GBP3: variants seen among roughly 807,000 people sequenced by gnomAD.
GBP3 encodes guanylate-binding protein 3.
In GBP3, 55 loss-of-function variants were observed where a neutral mutation model predicts 62.4. The ratio of observed to expected loss-of-function variants is 0.88; its 90% confidence interval spans 0.71 to 1.10. The LOEUF (loss-of-function observed/expected upper bound fraction) is 1.10, where lower values mean the gene tolerates loss of function less well. Ranked by LOEUF, GBP3 falls within the 50% of genes least tolerant of loss-of-function variation. The pLI is 0.00. For missense variants in GBP3, 605 were observed against 690.6 expected (o/e 0.88, Z 1.39); for synonymous variants, 208 against 259.2 (o/e 0.80, Z 1.90).
intron 1 of GBP3, among the ~76,000 whole-genome samples, chr1:89,021,788 TGAGAGAGA>T (rs146229731): frequency 4.0e-3 from 259 of 65,354 alleles, no homozygotes; most frequent in East Asian, 0.011. Context: ...GCTGGAAAGA[TGAGAGAGA>T]GAGAGAGAGA....
rs755998362 is a variant in GBP3, at chr1:89,014,101, A to G, written c.607T>C (p.Ser203Pro). Residue 203 changes from serine to proline, a missense_variant, in exon 5 of 11, where the codon TCC becomes CCC. Around this residue, in one of 3 missense-constraint regions of GBP3, gnomAD observed 308 missense variants for 318.0 expected, o/e 0.97. Coordinates refer to ENST00000370481, the MANE Select transcript of GBP3 (RefSeq NM_018284.3). ...PLTPDEYLEY[S>P]LKLTQGTSQK... ...CTGTTACCTTGCGTTAGCTTCAGGG[A>G]ATACTCCAGGTACTCATCTGGTGTG... The G allele has an allele frequency of 2.5e-6, 4 of 1,614,060 alleles. No homozygotes were observed. Among genetic ancestry groups the G allele is most frequent in the Non-Finnish European group, 3.4e-6 (4 of 1,180,010 alleles).
chr1:89,007,619 T>C lies in GBP3; in HGVS notation c.*105A>G. On this transcript the variant is annotated 3_prime_UTR_variant, in exon 11 of 11. Transcript: ENST00000370481. ...TGCATGTTCTTGTAAACTTTTAGTG[T>C]TATGATGCAAGATCTAATTATTATC... is the stretch of plus-strand genomic sequence containing the variant. The C allele has an allele frequency of 9.4e-7, 1 of 1,067,590 alleles. No homozygotes were observed. Among genetic ancestry groups the C allele is most frequent in the Non-Finnish European group, 1.4e-6 (1 of 730,678 alleles). The allele number at this position is 1,067,590 out of a possible 1,614,324, so 66.1% of individuals were successfully genotyped here. A position where few individuals can be genotyped will look rare whatever the true frequency, so the allele number is the denominator to read the frequency against.
chr1:89,012,859 T>A (rs1678641774), intron 6 of GBP3, among the ~76,000 whole-genome samples: 1 of 134,118 alleles, frequency 7.5e-6, no homozygotes, highest in African/African-American at 2.5e-5. Flanking sequence ...TCCTTTCATA[T>A]TTTTTTTTTC....
chr1:89,013,470 C>A (rs1277313695), intron 5 of GBP3, 43 bp from the exon 6 acceptor site: 3 of 1,565,762 alleles, frequency 1.9e-6, no homozygotes, highest in Non-Finnish European at 2.6e-6. Context: ...ATAAGTGTTT[C>A]CGTAAAGCGT....
chr1:89,013,991 T>C, intron 5 of GBP3, 92 bp downstream of exon 5: 1 of 1,343,298 alleles, frequency 7.4e-7, no homozygotes, highest in Non-Finnish European at 1.1e-6. Flanking sequence ...TATAGAAAAC[T>C]GTAAATGTGA....
chr1:89,014,324 C>T (rs374881447), intron 4 of GBP3, 45 bp from the exon 5 acceptor site: 4 of 1,613,404 alleles, frequency 2.5e-6, no homozygotes, highest in Non-Finnish European at 2.5e-6. Flanking sequence ...ACAGGAACCT[C>T]ATCCCATATT....
At chr1:89,020,790 T>G in intron 1 of GBP3, 47 bp from the exon 2 acceptor site, 6 of 1,542,132 alleles carry the variant, frequency 3.9e-6, no homozygotes, top group Non-Finnish European at 5.3e-6. Context: ...GTCTTTTGCA[T>G]TTAGAGGATA....
rs918073976 is a variant in GBP3, at chr1:89,013,153, C to T, written c.868+32G>A. Reference sequence around the variant, plus strand: ...ATGCCTGGCCATCCTTTAGTTTTAACAATGAGTGGAAGTACTACGAAGGGG... The same window carrying T: ...ATGCCTGGCCATCCTTTAGTTTTAATAATGAGTGGAAGTACTACGAAGGGG... On this transcript the variant is annotated intron_variant, in intron 6 of 10. Transcript: ENST00000370481. 3 of 1,601,096 alleles carry T rather than the reference C, an allele frequency of 1.9e-6. No homozygotes were observed. In the African/African-American group the frequency reaches 4.0e-5, roughly 22 times the overall value.
chr1:89,022,004 C>T (rs569370815), intron 1 of GBP3, among the ~76,000 whole-genome samples: 54 of 150,678 alleles, frequency 3.6e-4, no homozygotes, highest in Non-Finnish European at 6.2e-4. Context: ...GGAAATTCTC[C>T]TGTAAATTCT....
At chr1:89,021,685 G>T (rs1017614708) in intron 1 of GBP3, among the ~76,000 whole-genome samples, 5 of 151,706 alleles carry the variant, frequency 3.3e-5, no homozygotes, top group African/African-American at 1.2e-4. Context: ...ACAGCTTTAG[G>T]TTTTCTGTTT....
At chr1:89,008,879 T>C in intron 10 of GBP3, 68 bp downstream of exon 10, 1 of 1,610,534 alleles carries the variant, frequency 6.2e-7, no homozygotes, top group African/African-American at 1.3e-5. Context: ...TCTGCCATAC[T>C]AAGTTTGTGA....
chr1:89,014,730 A>C, intron 3 of GBP3, 74 bp from the exon 4 acceptor site: 2 of 1,574,062 alleles, frequency 1.3e-6, no homozygotes, highest in Non-Finnish European at 1.7e-6. Context: ...CAGTAGTAAA[A>C]GTATATCATA....
intron 4 of GBP3, 39 bp downstream of exon 4, chr1:89,014,508 C>T: frequency 3.1e-6 from 5 of 1,613,938 alleles, no homozygotes; most frequent in Non-Finnish European, 4.2e-6. Flanking sequence ...ACAGGTGTCC[C>T]CTCTGACCTT....
chr1:89,022,248 T>G (rs562587375), intron 1 of GBP3, among the ~76,000 whole-genome samples: 158 of 152,342 alleles, frequency 1.0e-3, no homozygotes, highest in African/African-American at 3.7e-3. Flanking sequence ...GCATTACCTT[T>G]GCTGTTCTTT....
Position 89,009,402 on chromosome 1 carries a change from C to T in GBP3, c.1455G>A (p.Lys485=). Residue 485 remains lysine (K), a synonymous_variant, in exon 9 of 11, where the codon AAG becomes AAA. Coordinates refer to ENST00000370481, the MANE Select transcript of GBP3 (RefSeq NM_018284.3). The part of the protein sequence containing the change: ...QTDQILTEKE[K]EIEVECVKAE... The stretch of plus-strand genomic sequence containing the variant: ...TGACTTGCTCCTCACCTTCAATCTC[C>T]TTTTCCTTTTCTGTGAGAATCTGGT... 1 of 1,613,964 alleles carries T rather than the reference C, an allele frequency of 6.2e-7. No homozygotes were observed. Among genetic ancestry groups the T allele is most frequent in the Non-Finnish European group, 8.5e-7 (1 of 1,179,838 alleles).
intron 10 of GBP3, among the ~76,000 whole-genome samples, chr1:89,008,353 C>T (rs549094105): frequency 6.6e-6 from 1 of 150,776 alleles, no homozygotes; most frequent in African/African-American, 2.4e-5. Context: ...GCCAGACTTA[C>T]CATATAGAAT....
chr1:89,016,190 T>C (rs1318870829), intron 2 of GBP3, among the ~76,000 whole-genome samples: 2 of 152,180 alleles, frequency 1.3e-5, no homozygotes, highest in Non-Finnish European at 2.9e-5. Context: ...CCATTTAACA[T>C]ACCACCAAAA....
At position 89,010,856 on chromosome 1, in the gene GBP3, G is replaced by A; in HGVS notation, c.1362+48C>T. 4 of 1,460,852 alleles carry A rather than the reference G, an allele frequency of 2.7e-6. 1 individual carries two copies. The highest frequency in any genetic ancestry group is 3.8e-6 in the Non-Finnish European group (4 of 1,054,402). The allele number at this position is 1,460,852 out of a possible 1,614,324, so 90.5% of individuals were successfully genotyped here. A position where few individuals can be genotyped will look rare whatever the true frequency, so the allele number is the denominator to read the frequency against. The stretch of plus-strand genomic sequence containing the variant: ...AAGCTTGGTCACTTTGGTGTTCGTA[G>A]GAGGTAGGTCAGCAGGTTTCCATAA... On this transcript the variant is annotated intron_variant, in intron 8 of 10. Transcript: ENST00000370481.
chr1:89,008,958 T>C lies in GBP3; in HGVS notation c.1648A>G (p.Ser550Gly). Residue 550 changes from serine (S) to glycine (G), a missense_variant, in exon 10 of 11, where the codon AGT becomes GGT. By Grantham distance (56) the Ser-to-Gly change is moderately conservative (BLOSUM62 0). This residue lies in a region of GBP3 where 160 missense variants were observed against 147.8 expected (regional missense o/e 1.08). Transcript: ENST00000370481. ...LLEEQEKTLT[S>G]KLQEQARVLK... ...ATGCATTTGGATACCTGAAGTTTAC[T>C]AGTGAGGGTCTTCTCTTGCTCTTCC... is the stretch of plus-strand genomic sequence containing the variant. 1.2e-6 allele frequency: 2 copies of C among 1,614,130 alleles called. No homozygotes were observed. Among genetic ancestry groups the C allele is most frequent in the Non-Finnish European group, 1.7e-6 (2 of 1,179,948 alleles).
Sources: gnomAD v4.1 joint callset for allele counts (sites outside exome capture counted in the v4.1 genomes callset) on GRCh38, gnomAD v4.1.1 for gene constraint, gnomAD v4.1.1 regional missense constraint, MANE v1.5 for transcripts, NCBI Gene and HGNC (gene_info 2026-07-23, HGNC 2026-07-21) for gene names.